The following ZNF813 variants were observed in gnomAD, a reference collection of about 807,000 sequenced individuals.
ZNF813 encodes the protein zinc finger protein 813.
Under a neutral mutation model 7.2 loss-of-function variants are expected in ZNF813, and 3 were observed. The ratio of observed to expected loss-of-function variants is 0.42; its 90% CI spans 0.19 to 1.08. The LOEUF is 1.08. ZNF813 is among the 50% of genes least tolerant of loss of function. ZNF813 has a pLI of 0.30. For synonymous variants in ZNF813, 227 were observed against 256.3 expected, an observed-to-expected ratio of 0.89 and a Z score of 1.09; for missense variants, 714 against 753.3, an observed-to-expected ratio of 0.95 and a Z score of 0.61.
intron 1 of ZNF813, among the ~76,000 whole-genome samples, chr19:53,482,823 C>G (rs1406158685): frequency 7.0e-6 from 1 of 142,656 alleles, no homozygotes; most frequent in Non-Finnish European, 1.5e-5. Flanking sequence ...TTCCTGGGTT[C>G]AAGTGATTCT....
At position 53,491,779 on chromosome 19, in the gene ZNF813, T is replaced by C. The variant is rs1218422449; in HGVS notation, c.1547T>C (p.Leu516Pro). The C allele has an allele frequency of 1.2e-6, 2 of 1,612,756 alleles. No homozygotes were observed. The highest frequency in any genetic ancestry group is 1.7e-6 in the Non-Finnish European group (2 of 1,179,244). The change falls in exon 4 of 4, where the codon CTT becomes CCT. Residue 516 changes from leucine (L) to proline (P), a missense_variant. Around this residue, in one of 3 missense-constraint regions of ZNF813, gnomAD observed 122 missense variants for 146.8 expected, o/e 0.83. Coordinates refer to ENST00000396403, the MANE Select transcript of ZNF813 (RefSeq NM_001004301.4). ...ACACACCTTGCATGTCATCATAGAC[T>C]TCATACTGGAGAGAAACCTTACAAG... ...RKTHLACHHRLHTGEKPYKCN... is the reference protein window; with the variant it reads ...RKTHLACHHRPHTGEKPYKCN...
intron 1 of ZNF813, among the ~76,000 whole-genome samples, chr19:53,472,197 G>C (rs1388847122): frequency 6.6e-6 from 1 of 152,110 alleles, no homozygotes; most frequent in African/African-American, 2.4e-5. Context: ...AAATTTACTG[G>C]ATGACAGGTT....
rs1568433184 is a variant in ZNF813, at chr19:53,491,563, G to A, written c.1331G>A (p.Cys444Tyr). 6.2e-7 allele frequency: 1 copy of A among 1,613,458 alleles called. No homozygotes were observed. The highest frequency in any genetic ancestry group is 1.1e-5 in the South Asian group (1 of 91,034). The stretch of plus-strand genomic sequence containing the variant: ...GAGAAACCCTACAAGTGTACTGAGT[G>A]TGTCAAGACGTTCAGTCGAAATTCA... ...SGEKPYKCTE[C>Y]VKTFSRNSAL... Residue 444 changes from cysteine to tyrosine, a missense_variant, in exon 4 of 4, where the codon TGT (cysteine) becomes TAT (tyrosine). Cys to Tyr is a radical substitution (Grantham distance 194). This residue lies in a region of ZNF813 where 563 missense variants were observed against 554.2 expected (regional missense o/e 1.02). Transcript: ENST00000396403.
chr19:53,487,063 C>T (rs1233638503), intron 3 of ZNF813, among the ~76,000 whole-genome samples: 10 of 150,128 alleles, frequency 6.7e-5, no homozygotes, highest in Non-Finnish European at 1.2e-4. Context: ...TCAAGAGATC[C>T]TCCTCAGCCT....
At position 53,489,338 on chromosome 19, in the gene ZNF813, C is replaced by T. The variant is rs116389091; in HGVS notation, c.143-1037C>T. ...TCACATTAACTGGGGCACTGTGGCT[C>T]GTGCCTGTAGTCCCAGGACTTTGGG... On this transcript the variant is annotated intron_variant, in intron 3 of 3. Coordinates refer to ENST00000396403, the MANE Select transcript of ZNF813 (RefSeq NM_001004301.4). Among the ~76,000 whole-genome samples the T allele has an allele frequency of 7.9e-3, 1,205 of 152,220 alleles. 11 individuals are homozygous for T. Among genetic ancestry groups the T allele is most frequent in the African/African-American group, 0.028 (1,144 of 41,560 alleles).
Position 53,481,344 on chromosome 19 carries a change from C to CTTTTTTTTTTTTTTTTT in ZNF813, c.-73-2403_-73-2387dup, listed in dbSNP as rs66842546. On this transcript the variant is annotated intron_variant, in intron 1 of 3. Coordinates refer to ENST00000396403, the MANE Select transcript of ZNF813 (RefSeq NM_001004301.4). The stretch of plus-strand genomic sequence containing the variant: ...GCTATTCTAAAAGCACCCATGTATT[C>CTTTTTTTTTTTTTTTTT]TTTTTTTTTTTTTTTTTTTGAGATG... Among the ~76,000 whole-genome samples the CTTTTTTTTTTTTTTTTT allele has an allele frequency of 1.0e-3, 110 of 106,338 alleles. 10 individuals are homozygous for CTTTTTTTTTTTTTTTTT. The highest frequency in any genetic ancestry group is 2.6e-3 in the African/African-American group (63 of 24,652). The allele number at this position is 106,338 out of a possible 152,430, so 69.8% of individuals were successfully genotyped here. A position where few individuals can be genotyped will look rare whatever the true frequency, so the allele number is the denominator to read the frequency against.
rs954003036 is a variant in ZNF813 at position 53,494,319 on chromosome 19, G to C, written c.*2233G>C. 6.6e-6 allele frequency: 1 copy of C among 152,116 alleles called. No individual in the cohort carries two copies. The highest frequency in any genetic ancestry group is 1.5e-5 in the Non-Finnish European group (1 of 68,030). The allele number at this position is 152,116 out of a possible 1,614,324, so 9.4% of individuals were successfully genotyped here. ...ATGTCTGAACAGGTCCTAGTTTGAG[G>C]CACCCAGAAGGATAAGACATGAGTT... On this transcript the variant is annotated 3_prime_UTR_variant, in exon 4 of 4. Transcript: ENST00000396403.
At chr19:53,481,636 A>G (rs1182328389) in intron 1 of ZNF813, among the ~76,000 whole-genome samples, 2 of 152,220 alleles carry the variant, frequency 1.3e-5, no homozygotes, top group Admixed American at 6.5e-5. Context: ...GGCATGATCC[A>G]TTGAACCTGG....
intron 3 of ZNF813, among the ~76,000 whole-genome samples, chr19:53,487,026 G>A (rs1373752191): frequency 7.5e-6 from 1 of 133,790 alleles, no homozygotes; most frequent in African/African-American, 2.9e-5. Context: ...TTACTGCGTT[G>A]TTGAAGTTGG....
In ZNF813 at chr19:53,491,168, A is replaced by G. The variant is rs187008444; in HGVS notation, c.936A>G (p.Ser312=). The G allele has an allele frequency of 5.2e-4, 845 of 1,614,130 alleles. 3 individuals carry two copies. In the African/African-American group the frequency reaches 8.5e-3, roughly 16 times the overall value. Reference sequence around the variant, plus strand: ...GTGACAAAGCTTTCAGTTTCAAATCAAACCTTAAAAGACATAGGAGAATTC... The same window carrying G: ...GTGACAAAGCTTTCAGTTTCAAATCGAACCTTAAAAGACATAGGAGAATTC... ...EECDKAFSFK[S]NLKRHRRIHA... The change falls in exon 4 of 4, where the codon TCA becomes TCG. Residue 312 remains serine (S), a synonymous_variant. Coordinates refer to ENST00000396403, the MANE Select transcript of ZNF813 (RefSeq NM_001004301.4).
At chr19:53,475,862 A>G (rs1381621356) in intron 1 of ZNF813, among the ~76,000 whole-genome samples, 1 of 152,216 alleles carries the variant, frequency 6.6e-6, no homozygotes, top group Non-Finnish European at 1.5e-5. Context: ...TCATAGTCTT[A>G]AGGCTGGGAC....
chr19:53,475,805 G>A (rs2086379208), intron 1 of ZNF813, among the ~76,000 whole-genome samples: 1 of 152,234 alleles, frequency 6.6e-6, no homozygotes, highest in African/African-American at 2.4e-5. Flanking sequence ...AGCCCCTATA[G>A]TCATTGTTTT....
Position 53,492,275 on chromosome 19 carries a change from T to C in ZNF813, c.*189T>C, listed in dbSNP as rs1215061554. 1 of 883,040 alleles carries C rather than the reference T, an allele frequency of 1.1e-6. No individual in the cohort carries two copies. Among genetic ancestry groups the C allele is most frequent in the Non-Finnish European group, 1.8e-6 (1 of 565,738 alleles). The allele number at this position is 883,040 out of a possible 1,614,324, so 54.7% of individuals were successfully genotyped here. A position where few individuals can be genotyped will look rare whatever the true frequency, so the allele number is the denominator to read the frequency against. On this transcript the variant is annotated 3_prime_UTR_variant, in exon 4 of 4. Coordinates refer to ENST00000396403, the MANE Select transcript of ZNF813 (RefSeq NM_001004301.4). ...ACCTTCCACGTCATCATAGACTTCA[T>C]AGTGGAGAGAAACCTTAGAAATGTG...
At chr19:53,487,984 A>C (rs1353979991) in intron 3 of ZNF813, among the ~76,000 whole-genome samples, 1 of 152,190 alleles carries the variant, frequency 6.6e-6, no homozygotes, top group Non-Finnish European at 1.5e-5. Flanking sequence ...GTACACTTAC[A>C]ACAGTTTCTG....
intron 1 of ZNF813, among the ~76,000 whole-genome samples, chr19:53,469,240 C>G (rs1480189023): frequency 6.6e-6 from 1 of 152,154 alleles, no homozygotes; most frequent in East Asian, 1.9e-4. Context: ...AACAATTTTT[C>G]TTAGTACAGA....
rs771746863 is a variant in ZNF813 at position 53,491,292 on chromosome 19, C to T, written c.1060C>T (p.Pro354Ser). 3 of 1,614,024 alleles carry T rather than the reference C, an allele frequency of 1.9e-6. No individual in the cohort carries two copies. The Admixed American group carries it at 5.0e-5, about 27-fold the overall frequency. Reference sequence around the variant, plus strand: ...TCGTAGACTTCATACTGGAGAGAAACCTTTCAAGTGTAATGAGTGTGGCAA... The same window carrying T: ...TCGTAGACTTCATACTGGAGAGAAATCTTTCAAGTGTAATGAGTGTGGCAA... ...CHRRLHTGEKPFKCNECGKTF... is the reference protein window; with the variant it reads ...CHRRLHTGEKSFKCNECGKTF... The change falls in exon 4 of 4, where the codon CCT becomes TCT. Residue 354 changes from proline (P) to serine (S), a missense_variant. By Grantham distance (74) the Pro-to-Ser change is moderately conservative. Around this residue, in one of 3 missense-constraint regions of ZNF813, gnomAD observed 563 missense variants for 554.2 expected, o/e 1.02. Transcript: ENST00000396403.
At chr19:53,477,635 G>A (rs1448001104) in intron 1 of ZNF813, among the ~76,000 whole-genome samples, 6 of 143,844 alleles carry the variant, frequency 4.2e-5, no homozygotes, top group African/African-American at 1.6e-4. Flanking sequence ...GGGCAACATA[G>A]TAAGACCCCC....
intron 1 of ZNF813, among the ~76,000 whole-genome samples, chr19:53,473,724 C>A (rs35108137): frequency 6.6e-6 from 1 of 152,184 alleles, no homozygotes; most frequent in African/African-American, 2.4e-5. Context: ...TTATGGGCTT[C>A]TTGCATGGCT....
chr19:53,489,566 C>T (rs145432266), intron 3 of ZNF813, among the ~76,000 whole-genome samples: 1,552 of 152,144 alleles, frequency 0.01, 16 homozygotes, highest in South Asian at 0.052. Context: ...TGGGCCATAG[C>T]ACTCCAGCCT....
Sources: gnomAD v4.1 joint callset for allele counts (sites outside exome capture counted in the v4.1 genomes callset) on GRCh38, gnomAD v4.1.1 for gene constraint, gnomAD v4.1.1 regional missense constraint, MANE v1.5 for transcripts, NCBI Gene and HGNC (gene_info 2026-07-23, HGNC 2026-07-21) for gene names.